The following KDM8 variants were observed in gnomAD, a reference collection of about 807,000 sequenced individuals.
KDM8 encodes the protein bifunctional peptidase and arginyl-hydroxylase JMJD5.
A neutral mutation model predicts 46.9 loss-of-function variants in KDM8; 35 were observed. The observed-to-expected ratio is 0.75, with a 90% CI of 0.57 to 0.99. The LOEUF (loss-of-function observed/expected upper bound fraction) is 0.99, where lower values mean the gene tolerates loss of function less well. Among genes scored for constraint, KDM8 ranks in the 50% least tolerant of loss-of-function variants. The pLI, the probability that KDM8 is intolerant of heterozygous loss-of-function variation, is 0.00. For missense variants in KDM8, 475 were observed against 537.0 expected (o/e 0.88, Z 1.14); for synonymous variants, 232 against 227.7 (o/e 1.02, Z -0.17).
At position 27,220,807 on chromosome 16, in the gene KDM8, T is replaced by C. The variant is rs917640881; in HGVS notation, c.*77T>C. 9.1e-6 allele frequency: 14 copies of C among 1,530,702 alleles called. No individual in the cohort carries two copies. The Admixed American group carries it at 2.0e-4, about 22-fold the overall frequency. The allele number at this position is 1,530,702 out of a possible 1,614,324, so 94.8% of individuals were successfully genotyped here. ...CTAATTTCCTGGGTCCTGGAATCTATAGAGACAAGCAGGACTGAACCTGTG... is the reference window on the plus strand; with the variant it reads ...CTAATTTCCTGGGTCCTGGAATCTACAGAGACAAGCAGGACTGAACCTGTG... On this transcript the variant is annotated 3_prime_UTR_variant, in exon 8 of 8. Coordinates refer to ENST00000286096, the MANE Select transcript of KDM8 (RefSeq NM_024773.3).
At chr16:27,211,247 C>G in intron 2 of KDM8, 1 of 442,440 alleles carries the variant, frequency 2.3e-6, no homozygotes, top group African/African-American at 2.0e-5. Flanking sequence ...AGCGGCAGCC[C>G]GTTTCTTTCA....
intron 1 of KDM8, among the ~76,000 whole-genome samples, chr16:27,207,799 G>C (rs952667617): frequency 1.3e-5 from 2 of 152,140 alleles, no homozygotes; most frequent in African/African-American, 4.8e-5. Flanking sequence ...TGCCCAGGCT[G>C]GTCTCGAATT....
chr16:27,210,186 C>G lies in KDM8; in HGVS notation c.63C>G (p.Ala21=). ...CCAGAGAAGGCACTTTATGGGAGGC[C>G]CTCAGGGCGCTCCTGCCGCACAGTA... ...PLAREGTLWE[A]LRALLPHSKE... is the part of the protein sequence containing the mutation. The change falls in exon 2 of 8, where the codon GCC becomes GCG. Residue 21 remains alanine, a synonymous_variant. Transcript: ENST00000286096. 6.2e-7 allele frequency: 1 copy of G among 1,613,420 alleles called. No individual in the cohort carries two copies. The highest frequency in any genetic ancestry group is 1.1e-5 in the South Asian group (1 of 91,090).
At chr16:27,208,405 A>G (rs1482135983) in intron 1 of KDM8, among the ~76,000 whole-genome samples, 1 of 152,216 alleles carries the variant, frequency 6.6e-6, no homozygotes, top group Non-Finnish European at 1.5e-5. Context: ...TGAAACACCA[A>G]TTTACAAAGC....
At position 27,220,847 on chromosome 16, in the gene KDM8, C is replaced by T; in HGVS notation, c.*117C>T. On this transcript the variant is annotated 3_prime_UTR_variant, in exon 8 of 8. Transcript: ENST00000286096. ...CTGAACCTGTGTCCTGAAGAGCCTT[C>T]ACTGCCCAGTGGCAGCCCTGGGGGG... is the stretch of plus-strand genomic sequence containing the variant. 2.4e-6 allele frequency: 3 copies of T among 1,267,980 alleles called. No homozygotes were observed. The highest frequency in any genetic ancestry group is 3.4e-6 in the Non-Finnish European group (3 of 875,022). 78.5% of individuals were successfully genotyped at this position (1,267,980 alleles called of 1,614,324 possible).
chr16:27,204,117 G>C, intron 1 of KDM8: 1 of 1,545,914 alleles, frequency 6.5e-7, no homozygotes, highest in Non-Finnish European at 8.7e-7. Flanking sequence ...ATGCAGCCCC[G>C]GGGAAGGCGC....
In KDM8 at chr16:27,210,571, C is replaced by A; in HGVS notation, c.448C>A (p.Pro150Thr). The change falls in exon 2 of 8, where the codon CCT becomes ACT. Residue 150 changes from proline (P) to threonine (T), a missense_variant. Pro to Thr is a conservative substitution (Grantham distance 38). Transcript: ENST00000286096. ...KVAAILQTHL[P>T]GKRPARGSLP... ...CGCTGCCATCCTCCAGACACACCTC[C>A]CTGGAAAGAGGCCTGCCCGTGGCTC... 6.6e-7 allele frequency: 1 copy of A among 1,520,200 alleles called. No homozygotes were observed. The highest frequency in any genetic ancestry group is 8.8e-7 in the Non-Finnish European group (1 of 1,134,140). 94.2% of individuals were successfully genotyped at this position (1,520,200 alleles called of 1,614,324 possible).
intron 5 of KDM8, among the ~76,000 whole-genome samples, chr16:27,218,372 T>TA (rs1353748494): frequency 2.6e-5 from 4 of 152,260 alleles, no homozygotes; most frequent in African/African-American, 7.2e-5. Context: ...ATGTGTGGCA[T>TA]ATAACTCTGT....
intron 4 of KDM8, among the ~76,000 whole-genome samples, chr16:27,215,620 A>G (rs2083542152): frequency 6.6e-6 from 1 of 152,316 alleles, no homozygotes; most frequent in East Asian, 1.9e-4. Flanking sequence ...ATTTTTCCCA[A>G]AAGTTAGATC....
chr16:27,204,374 G>T, intron 1 of KDM8: 1 of 1,321,308 alleles, frequency 7.6e-7, no homozygotes, highest in East Asian at 3.1e-5. Flanking sequence ...ACACAAGACT[G>T]TGTGCCCCTT....
At chr16:27,219,955 C>T (rs1207876732) in intron 6 of KDM8, among the ~76,000 whole-genome samples, 2 of 152,188 alleles carry the variant, frequency 1.3e-5, no homozygotes, top group Non-Finnish European at 2.9e-5. Context: ...TAGTTCACAC[C>T]TATAATCCCA....
intron 3 of KDM8, 151 bp from the exon 4 acceptor site, chr16:27,214,725 C>A: frequency 1.3e-6 from 1 of 793,750 alleles, no homozygotes; most frequent in East Asian, 2.7e-5. Flanking sequence ...CCTCTCCATG[C>A]CGGTTCCTCA....
Position 27,215,965 on chromosome 16 carries a change from T to C in KDM8, c.819T>C (p.Leu273=), listed in dbSNP as rs1249217991. The change falls in exon 5 of 8, where the codon CTT becomes CTC. Residue 273 remains leucine, a synonymous_variant. Transcript: ENST00000286096. ...IVNEPRDVGY[L]AQHQLFDQIP... is the part of the protein sequence containing the mutation. ...ATTAGCCAAGGGACGTCGGGTACCTTGCTCAGCACCAGCTCTTTGACCAGG... is the reference window on the plus strand; with the variant it reads ...ATTAGCCAAGGGACGTCGGGTACCTCGCTCAGCACCAGCTCTTTGACCAGG... 6.2e-7 allele frequency: 1 copy of C among 1,614,060 alleles called. No individual in the cohort carries two copies. Among genetic ancestry groups the C allele is most frequent in the East Asian group, 2.2e-5 (1 of 44,874 alleles).
chr16:27,220,371 C>T (rs1012205399), intron 6 of KDM8, 22 bp from the exon 7 acceptor site: 6 of 1,605,870 alleles, frequency 3.7e-6, no homozygotes, highest in Non-Finnish European at 5.1e-6. Flanking sequence ...CACCAGCTGA[C>T]TGTCAGGGTC....
intron 2 of KDM8, among the ~76,000 whole-genome samples, chr16:27,212,252 G>A (rs2083492675): frequency 6.6e-6 from 1 of 152,230 alleles, no homozygotes; most frequent in African/African-American, 2.4e-5. Context: ...AAAAGAGAGA[G>A]ATGCAAATAG....
intron 1 of KDM8, chr16:27,204,278 G>A: frequency 7.1e-7 from 1 of 1,402,632 alleles, no homozygotes; most frequent in East Asian, 2.9e-5. Context: ...TCCCGGCAAC[G>A]GTAGGAATCG....
rs1385127127 is a variant in KDM8 at position 27,206,657 on chromosome 16, G to T, written c.-32+3021G>T. ...CCAGGCCATAAGGCTACTCTGGCTAGTCCTTTCCTCTAGAAAACCTCTTGA... is the reference window on the plus strand; with the variant it reads ...CCAGGCCATAAGGCTACTCTGGCTATTCCTTTCCTCTAGAAAACCTCTTGA... On this transcript the variant is annotated intron_variant, in intron 1 of 7. Transcript: ENST00000286096. Among the ~76,000 whole-genome samples, 6 of 152,346 alleles carry T rather than the reference G, an allele frequency of 3.9e-5. No homozygotes were observed. The East Asian group carries it at 1.2e-3, about 29-fold the overall frequency.
intron 1 of KDM8, chr16:27,203,952 T>G: frequency 1.6e-6 from 1 of 616,390 alleles, no homozygotes; most frequent in Non-Finnish European, 2.8e-6. Context: ...TAGCGGTTCT[T>G]GGCGTCGCGT....
chr16:27,210,612 C>T lies in KDM8; in HGVS notation c.489C>T (p.Pro163=), dbSNP rs767844829. 1.8e-5 allele frequency: 27 copies of T among 1,512,844 alleles called. No homozygotes were observed. The highest frequency in any genetic ancestry group is 2.4e-5 in the Non-Finnish European group (27 of 1,131,108). 93.7% of individuals were successfully genotyped at this position (1,512,844 alleles called of 1,614,324 possible). Residue 163 remains proline (P), a synonymous_variant, in exon 2 of 8, where the codon CCC becomes CCT. Coordinates refer to ENST00000286096, the MANE Select transcript of KDM8 (RefSeq NM_024773.3). The part of the protein sequence containing the change: ...RPARGSLPEQ[P]CTKKARADHG... ...CCCGTGGCTCCCTCCCAGAGCAACC[C>T]TGCACAAAGGTATGTGGGGGAGATT...
Sources: allele counts gnomAD v4.1 joint callset (sites outside exome capture counted in the v4.1 genomes callset), GRCh38; gene constraint gnomAD v4.1.1; transcripts MANE v1.5; gene names NCBI Gene and HGNC (gene_info 2026-07-23, HGNC 2026-07-21).